The following HSP90B1 variants were observed in gnomAD, a reference collection of about 807,000 sequenced individuals.
HSP90B1 encodes the protein endoplasmin.
HSP90B1 carries 27 observed loss-of-function variants against 100.4 expected under a neutral mutation model. The ratio of observed to expected loss-of-function variants is 0.27; its 90% CI spans 0.20 to 0.37. HSP90B1 has a LOEUF of 0.37. HSP90B1 is among the 10% of genes least tolerant of loss of function. The pLI is 1.00. For synonymous variants in HSP90B1, 304 were observed against 330.8 expected (o/e 0.92, Z 0.88); for missense variants, 678 against 960.5 (o/e 0.71, Z 3.89).
chr12:103,931,816 G>A, intron 2 of HSP90B1, 193 bp downstream of exon 2: 1 of 634,920 alleles, frequency 1.6e-6, no homozygotes, highest in Non-Finnish European at 2.9e-6. Flanking sequence ...GAATTCCTTT[G>A]AAAACTATAT....
rs778900551 is a variant in HSP90B1 at position 103,943,271 on chromosome 12, A to G, written c.1842A>G (p.Glu614=). The part of the protein sequence containing the change: ...TKESREAVEK[E]FEPLLNWMKD... ...AGAGTCGTGAAGCAGTTGAGAAAGA[A>G]TTTGAGCCTCTGCTGAATTGGATGA... Residue 614 remains glutamate, a synonymous_variant, in exon 13 of 18, where the codon GAA becomes GAG. Transcript: ENST00000299767. This position sits in a 1 kb window ranked among gnomAD's most constrained non-coding sequence, Gnocchi z 5.3. 5 of 1,613,946 alleles carry G rather than the reference A, an allele frequency of 3.1e-6. No individual in the cohort carries two copies. Among genetic ancestry groups the G allele is most frequent in the Middle Eastern group, 3.3e-4 (2 of 6,084 alleles).
In HSP90B1 at chr12:103,940,253, T is replaced by G. The variant is rs1293407904; in HGVS notation, c.1092+628T>G. ...GTTAAGTGGCTTTTAATATAATCTT[T>G]AAAGAGCTTGCTTATGACATCAAAC... On this transcript the variant is annotated intron_variant, in intron 8 of 17. Coordinates refer to ENST00000299767, the MANE Select transcript of HSP90B1 (RefSeq NM_003299.3). Among the ~76,000 whole-genome samples, 4 of 152,230 alleles carry G rather than the reference T, an allele frequency of 2.6e-5. No homozygotes were observed. In the East Asian group the frequency reaches 7.7e-4, roughly 29 times the overall value.
intron 8 of HSP90B1, 78 bp downstream of exon 8, chr12:103,939,703 G>C (rs1870022473): frequency 1.5e-6 from 1 of 660,738 alleles, no homozygotes; most frequent in Non-Finnish European, 2.5e-6. Flanking sequence ...ATTGTATATG[G>C]TATGTGACCA....
At chr12:103,944,635 C>T (rs2136217269) in intron 14 of HSP90B1, among the ~76,000 whole-genome samples, 1 of 151,912 alleles carries the variant, frequency 6.6e-6, no homozygotes, top group South Asian at 2.1e-4. Flanking sequence ...CTGCTCACTG[C>T]AACCTCCGCC....
chr12:103,936,884 T>C (rs1236653633), intron 5 of HSP90B1, among the ~76,000 whole-genome samples: 1 of 152,162 alleles, frequency 6.6e-6, no homozygotes, highest in African/African-American at 2.4e-5. Context: ...TGTCATATCA[T>C]GGCTACTTAT....
chr12:103,941,987 G>A, intron 11 of HSP90B1, 90 bp downstream of exon 11: 1 of 951,620 alleles, frequency 1.1e-6, no homozygotes, highest in Non-Finnish European at 1.7e-6. Flanking sequence ...CCAGATTTTG[G>A]GTCTGGTCCA....
chr12:103,941,321 C>T, intron 8 of HSP90B1, 89 bp from the exon 9 acceptor site: 1 of 1,336,020 alleles, frequency 7.5e-7, no homozygotes. Flanking sequence ...AATTGCTAAA[C>T]TGAATATGTA....
chr12:103,947,210 C>A, intron 16 of HSP90B1, 101 bp from the exon 17 acceptor site: 1 of 1,415,276 alleles, frequency 7.1e-7, no homozygotes, highest in Non-Finnish European at 9.5e-7. Flanking sequence ...GTCTGTGGTT[C>A]TGAATAAACA....
chr12:103,947,375 A>G lies in HSP90B1; in HGVS notation c.2327A>G (p.Gln776Arg). ...GAAGACACAACAGAAGACACAGAGC[A>G]AGACGAAGATGAAGAAATGGATGTG... ...TAEDTTEDTE[Q>R]DEDEEMDVGT... The change falls in exon 17 of 18, where the codon CAA becomes CGA. Residue 776 changes from glutamine to arginine, a missense_variant. Physicochemically the swap from Gln to Arg is conservative, Grantham distance 43. This residue lies in a region of HSP90B1 where 65 missense variants were observed against 65.1 expected (regional missense o/e 1.00). Transcript: ENST00000299767. 6.2e-7 allele frequency: 1 copy of G among 1,610,670 alleles called. No homozygotes were observed. The highest frequency in any genetic ancestry group is 2.2e-5 in the East Asian group (1 of 44,822).
chr12:103,934,943 C>T (rs1251958410), intron 5 of HSP90B1, among the ~76,000 whole-genome samples: 1 of 152,164 alleles, frequency 6.6e-6, no homozygotes, highest in Non-Finnish European at 1.5e-5. Flanking sequence ...TCACGTGATC[C>T]ACCCACCTCG....
At chr12:103,932,123 A>T in intron 2 of HSP90B1, 154 bp from the exon 3 acceptor site, 1 of 571,814 alleles carries the variant, frequency 1.7e-6, no homozygotes, top group Non-Finnish European at 3.0e-6. Context: ...TGCTGTGCTA[A>T]CATAATGAGA....
chr12:103,941,308 G>T, intron 8 of HSP90B1, 102 bp from the exon 9 acceptor site: 2 of 1,216,348 alleles, frequency 1.6e-6, no homozygotes, highest in South Asian at 1.7e-5. Flanking sequence ...TTTTTTGTTA[G>T]TTAATTGCTA....
At chr12:103,938,265 GT>G (rs2136214796) in intron 6 of HSP90B1, 74 bp from the exon 7 acceptor site, 1 of 1,348,376 alleles carries the variant, frequency 7.4e-7, no homozygotes, top group South Asian at 1.4e-5. Context: ...GACCTGTAAT[GT>G]TATATCATAT....
Position 103,943,417 on chromosome 12 carries a change from C to A in HSP90B1, c.1890+98C>A. The stretch of plus-strand genomic sequence containing the variant: ...AAGCTGCAGCTGGTTACTTTGTAAC[C>A]ATTAGAATGGTAAAAATTTAATTAA... On this transcript the variant is annotated intron_variant, in intron 13 of 17. Transcript: ENST00000299767. The surrounding 1 kb of genome is among the most constrained non-coding windows in gnomAD (Gnocchi z 5.3). The A allele has an allele frequency of 4.3e-6, 5 of 1,151,100 alleles. No individual in the cohort carries two copies. The highest frequency in any genetic ancestry group is 2.3e-5 in the Admixed American group (1 of 42,902). The allele number at this position is 1,151,100 out of a possible 1,614,324, so 71.3% of individuals were successfully genotyped here.
Position 103,941,448 on chromosome 12 carries a change from T to C in HSP90B1, c.1131T>C (p.Ala377=). The C allele has an allele frequency of 6.2e-7, 1 of 1,613,114 alleles. No homozygotes were observed. The highest frequency in any genetic ancestry group is 8.5e-7 in the Non-Finnish European group (1 of 1,179,914). ...CCATGGCTTATATTCACTTTACTGC[T>C]GAAGGGGAAGTTACCTTCAAATCAA... is the stretch of plus-strand genomic sequence containing the variant. ...DDPMAYIHFT[A]EGEVTFKSIL... The change falls in exon 9 of 18, where the codon GCT becomes GCC. Residue 377 remains alanine (A), a synonymous_variant. Coordinates refer to ENST00000299767, the MANE Select transcript of HSP90B1 (RefSeq NM_003299.3).
At chr12:103,937,932 C>G (rs1023541829) in intron 6 of HSP90B1, 126 bp downstream of exon 6, 1 of 547,150 alleles carries the variant, frequency 1.8e-6, no homozygotes, top group Non-Finnish European at 3.3e-6. Context: ...TTTGGGAGGC[C>G]GAGACAGGTG....
At chr12:103,947,465 G>A in intron 17 of HSP90B1, 35 bp downstream of exon 17, 1 of 1,614,060 alleles carries the variant, frequency 6.2e-7, no homozygotes, top group Non-Finnish European at 8.5e-7. Flanking sequence ...TGCATTTTCA[G>A]TTCTGGCAAA....
intron 16 of HSP90B1, 143 bp downstream of exon 16, chr12:103,947,084 G>C (rs1870257465): frequency 1.8e-6 from 2 of 1,089,368 alleles, no homozygotes; most frequent in Middle Eastern, 2.1e-4. Flanking sequence ...TTGAATGTTT[G>C]AATCCCTGTA....
chr12:103,935,822 T>C (rs1869899522), intron 5 of HSP90B1, among the ~76,000 whole-genome samples: 1 of 152,212 alleles, frequency 6.6e-6, no homozygotes, highest in Non-Finnish European at 1.5e-5. Context: ...GTCAGGTTGC[T>C]AAGAAGCAGG....
Sources: allele counts gnomAD v4.1 joint callset (sites outside exome capture counted in the v4.1 genomes callset), GRCh38; gene constraint gnomAD v4.1.1; regional missense constraint gnomAD v4.1.1; non-coding constraint Gnocchi (gnomAD v3.1); transcripts MANE v1.5; gene names NCBI Gene and HGNC (gene_info 2026-07-23, HGNC 2026-07-21).